RNF212B: variants seen among roughly 807,000 people sequenced by gnomAD.
RNF212B encodes the protein ring finger protein 212B.
A neutral mutation model predicts 55.5 loss-of-function variants in RNF212B; 52 were observed. The observed-to-expected ratio is 0.94, with a 90% CI of 0.75 to 1.18. The LOEUF (loss-of-function observed/expected upper bound fraction) is 1.18, where lower values mean the gene tolerates loss of function less well. RNF212B is among the 50% of genes most tolerant of loss of function. The pLI is 0.00. For synonymous variants in RNF212B, 99 were observed against 121.4 expected (o/e 0.82, Z 1.21); for missense variants, 289 against 350.4 (o/e 0.82, Z 1.40).
chr14:23,237,131 A>AT (rs35099689), upstream of RNF212B, among the ~76,000 whole-genome samples: 22,785 of 140,526 alleles, frequency 0.16, 2,038 homozygotes, highest in Middle Eastern at 0.25. Context: ...CACCCGGCTA[A>AT]TTTTTTTTTT....
intron 2 of RNF212B, among the ~76,000 whole-genome samples, chr14:23,221,469 T>A (rs1411098463): frequency 6.6e-6 from 1 of 152,190 alleles, no homozygotes; most frequent in Non-Finnish European, 1.5e-5. Flanking sequence ...ATGCACCCAA[T>A]GCTAGAGTAC....
chr14:23,195,049 T>C lies in RNF212B; in HGVS notation c.-2+1648T>C, dbSNP rs1395417154. Among the ~76,000 whole-genome samples the C allele has an allele frequency of 4.6e-5, 7 of 152,224 alleles. No individual in the cohort carries two copies. The South Asian group carries it at 1.0e-3, about 23-fold the overall frequency. Reference sequence around the variant, plus strand: ...AAATAGAAAATAAGGTAAAGACTTTTGGGAAATTTGAAAATGAACGAAATA... The same window carrying C: ...AAATAGAAAATAAGGTAAAGACTTTCGGGAAATTTGAAAATGAACGAAATA... On this transcript the variant is annotated intron_variant, in intron 2 of 15. Coordinates refer to the RNF212B transcript ENST00000399910.
At chr14:23,263,038 G>A in intron 9 of RNF212B, 68 bp downstream of exon 9, 3 of 1,372,302 alleles carry the variant, frequency 2.2e-6, no homozygotes, top group Non-Finnish European at 3.0e-6. Flanking sequence ...TCTAGTTGTA[G>A]CTCAGATTGG....
intron 4 of RNF212B, among the ~76,000 whole-genome samples, chr14:23,248,273 A>T (rs976680811): frequency 1.4e-4 from 21 of 149,720 alleles, no homozygotes; most frequent in African/African-American, 4.7e-4. Context: ...GACTACAAGC[A>T]CATGTCACCA....
chr14:23,222,583 A>G (rs541545155), intron 2 of RNF212B, among the ~76,000 whole-genome samples: 1 of 152,302 alleles, frequency 6.6e-6, no homozygotes, highest in Non-Finnish European at 1.5e-5. Flanking sequence ...ATCCTATTCA[A>G]ACTGTTCTGA....
At chr14:23,199,568 A>G (rs1186049294) in intron 2 of RNF212B, among the ~76,000 whole-genome samples, 1 of 152,132 alleles carries the variant, frequency 6.6e-6, no homozygotes, top group East Asian at 1.9e-4. Context: ...GGCATTTTAC[A>G]AGAAAATGAA....
intron 2 of RNF212B, among the ~76,000 whole-genome samples, chr14:23,197,276 C>T (rs562587009): frequency 1.1e-4 from 16 of 152,302 alleles, no homozygotes; most frequent in South Asian, 4.1e-4. Flanking sequence ...CCTGTAAGCC[C>T]GGCACTTTGG....
intron 3 of RNF212B, among the ~76,000 whole-genome samples, 187 bp downstream of exon 3, chr14:23,243,495 A>G (rs544668611): frequency 1.3e-5 from 2 of 151,968 alleles, no homozygotes; most frequent in East Asian, 3.9e-4. Flanking sequence ...CAGGAATTTG[A>G]GACCACCCTG....
In RNF212B at chr14:23,206,708, A is replaced by AG. The variant is rs1879871155; in HGVS notation, c.-2+13308dup. Among the ~76,000 whole-genome samples, 3 of 152,192 alleles carry AG rather than the reference A, an allele frequency of 2.0e-5. No homozygotes were observed. The South Asian group carries it at 6.2e-4, about 31-fold the overall frequency. On this transcript the variant is annotated intron_variant, in intron 2 of 15. Coordinates refer to the RNF212B transcript ENST00000399910. Reference sequence around the variant, plus strand: ...AAAATTTACATCATAAGGTAGAGAGAGAAAAAATGTGGTGGTGCTAGAGGG... The same window carrying AG: ...AAAATTTACATCATAAGGTAGAGAGAGGAAAAAATGTGGTGGTGCTAGAGGG...
chr14:23,217,037 A>G (rs1046550353), intron 2 of RNF212B, among the ~76,000 whole-genome samples: 1 of 152,144 alleles, frequency 6.6e-6, no homozygotes, highest in Admixed American at 6.5e-5. Flanking sequence ...GGGTAAAGCA[A>G]CAAGAAGGTT....
intron 2 of RNF212B, among the ~76,000 whole-genome samples, chr14:23,204,056 T>G (rs993305131): frequency 6.6e-6 from 1 of 152,194 alleles, no homozygotes; most frequent in African/African-American, 2.4e-5. Flanking sequence ...CTTAGCCCAC[T>G]TTTTGATGGG....
At chr14:23,252,176 C>T (rs189348946) in intron 4 of RNF212B, among the ~76,000 whole-genome samples, 1 of 152,126 alleles carries the variant, frequency 6.6e-6, no homozygotes, top group East Asian at 1.9e-4. Context: ...TTTGATGCTA[C>T]CTAGGACCCA....
chr14:23,227,879 T>C (rs1882176228), intron 2 of RNF212B, among the ~76,000 whole-genome samples: 1 of 148,956 alleles, frequency 6.7e-6, no homozygotes, highest in African/African-American at 2.4e-5. Context: ...GATTACAGGC[T>C]TGAGTCACCA....
rs146028724 is a variant in RNF212B, at chr14:23,197,319, G to T, written c.-2+3918G>T. On this transcript the variant is annotated intron_variant, in intron 2 of 15. Transcript: ENST00000399910. The stretch of plus-strand genomic sequence containing the variant: ...AGGCAGGTGGATTTCATGAGGCCAT[G>T]AGTTTGAGACCAGCCTGGCCAACAT... Among the ~76,000 whole-genome samples, 1,001 of 152,334 alleles carry T rather than the reference G, an allele frequency of 6.6e-3. 9 individuals carry two copies. Among genetic ancestry groups the T allele is most frequent in the African/African-American group, 0.022 (921 of 41,564 alleles).
chr14:23,253,741 G>T (rs1352873845), intron 4 of RNF212B, among the ~76,000 whole-genome samples: 1 of 152,026 alleles, frequency 6.6e-6, no homozygotes, highest in Non-Finnish European at 1.5e-5. Context: ...CTTTTATCAA[G>T]CAAATGATTA....
chr14:23,219,052 G>A (rs1447376188), intron 2 of RNF212B, among the ~76,000 whole-genome samples: 2 of 152,130 alleles, frequency 1.3e-5, no homozygotes, highest in Non-Finnish European at 2.9e-5. Flanking sequence ...TATTTAAAAT[G>A]CTGAAGAAAA....
intron 2 of RNF212B, among the ~76,000 whole-genome samples, chr14:23,226,313 A>T (rs867761191): frequency 1.5e-3 from 215 of 142,068 alleles, no homozygotes; most frequent in African/African-American, 5.3e-3. Context: ...AAAAAAAAAA[A>T]AAATTAAATA....
At chr14:23,237,360 C>G (rs569228312), upstream of RNF212B, among the ~76,000 whole-genome samples, 1 of 152,264 alleles carries the variant, frequency 6.6e-6, no homozygotes, top group East Asian at 1.9e-4. Flanking sequence ...TAACTCCTGA[C>G]CTCAAGTGAT....
chr14:23,224,641 A>C (rs1451027446), intron 2 of RNF212B, among the ~76,000 whole-genome samples: 4 of 152,230 alleles, frequency 2.6e-5, no homozygotes, highest in Non-Finnish European at 5.9e-5. Context: ...ACCTCAAACT[A>C]TGAAACTACT....
Sources: gnomAD v4.1 joint callset for allele counts (sites outside exome capture counted in the v4.1 genomes callset) on GRCh38, gnomAD v4.1.1 for gene constraint, MANE v1.5 for transcripts, NCBI Gene and HGNC (gene_info 2026-07-23, HGNC 2026-07-21) for gene names.